The following PHACTR3 variants were observed in gnomAD, a reference collection of about 807,000 sequenced individuals.
PHACTR3 encodes phosphatase and actin regulator 3, also known as protein phosphatase 1, regulatory subunit 123.
In PHACTR3, 16 loss-of-function variants were observed where a neutral mutation model predicts 66.8. That is an observed-to-expected ratio of 0.24 (90% confidence interval 0.16 to 0.36). The LOEUF (loss-of-function observed/expected upper bound fraction) is 0.36. Ranked by LOEUF, PHACTR3 falls within the 10% of genes least tolerant of loss-of-function variation. PHACTR3 has a pLI of 1.00. For synonymous variants in PHACTR3, 323 were observed against 292.1 expected, an observed-to-expected ratio of 1.11 and a Z score of -1.08; for missense variants, 647 against 719.9, an observed-to-expected ratio of 0.90 and a Z score of 1.16.
At chr20:59,771,322 T>C (rs1420032495) in intron 5 of PHACTR3, among the ~76,000 whole-genome samples, 1 of 152,026 alleles carries the variant, frequency 6.6e-6, no homozygotes, top group Non-Finnish European at 1.5e-5. Flanking sequence ...AGTGGGGCAC[T>C]GTCCTGAGCA....
At chr20:59,805,449 G>A (rs6100600) in intron 7 of PHACTR3, among the ~76,000 whole-genome samples, 38 of 152,146 alleles carry the variant, frequency 2.5e-4, no homozygotes, top group African/African-American at 8.9e-4. Flanking sequence ...CAGTTGGTTG[G>A]GGGGAATTAA....
intron 1 of PHACTR3, among the ~76,000 whole-genome samples, chr20:59,727,428 C>T (rs781593939): frequency 3.9e-5 from 6 of 152,214 alleles, no homozygotes; most frequent in South Asian, 2.1e-4. Context: ...CTGTAGTCAG[C>T]GCCACCATGC....
At chr20:59,666,885 A>T (rs1185182068) in intron 1 of PHACTR3, among the ~76,000 whole-genome samples, 1 of 152,234 alleles carries the variant, frequency 6.6e-6, no homozygotes, top group Non-Finnish European at 1.5e-5. Flanking sequence ...TCTGGTCCTT[A>T]CACGGTGTAA....
At chr20:59,630,336 C>CCA (rs2034618301) in intron 1 of PHACTR3, among the ~76,000 whole-genome samples, 1 of 152,038 alleles carries the variant, frequency 6.6e-6, no homozygotes, top group Admixed American at 6.5e-5. Flanking sequence ...GTGCCCACCA[C>CCA]CACACCTGGC....
intron 1 of PHACTR3, among the ~76,000 whole-genome samples, chr20:59,590,295 C>T (rs1271197859): frequency 2.0e-5 from 3 of 152,196 alleles, no homozygotes; most frequent in Non-Finnish European, 1.5e-5. Context: ...CTTTGAGGGA[C>T]ATTTAGGTTG....
chr20:59,621,607 G>A (rs1378029357), intron 1 of PHACTR3, among the ~76,000 whole-genome samples: 1 of 152,200 alleles, frequency 6.6e-6, no homozygotes, highest in Non-Finnish European at 1.5e-5. Flanking sequence ...TTCCCACAGT[G>A]GCCTTTCCCA....
At chr20:59,694,580 G>T (rs2037228193) in intron 1 of PHACTR3, among the ~76,000 whole-genome samples, 1 of 152,044 alleles carries the variant, frequency 6.6e-6, no homozygotes, top group Non-Finnish European at 1.5e-5. Context: ...GAGGTGAAGA[G>T]ATATAAGGAA....
At chr20:59,608,044 G>A (rs761521802) in intron 1 of PHACTR3, among the ~76,000 whole-genome samples, 35 of 152,220 alleles carry the variant, frequency 2.3e-4, no homozygotes, top group African/African-American at 7.7e-4. Flanking sequence ...GAAAATGTAC[G>A]AATTCACACT....
intron 7 of PHACTR3, among the ~76,000 whole-genome samples, chr20:59,789,051 G>A (rs550876721): frequency 2.0e-5 from 3 of 152,206 alleles, no homozygotes; most frequent in Non-Finnish European, 2.9e-5. Context: ...AAAATCAAAC[G>A]AGAGACTGGA....
intron 1 of PHACTR3, among the ~76,000 whole-genome samples, chr20:59,683,409 C>T (rs930521453): frequency 5.9e-5 from 9 of 152,004 alleles, no homozygotes; most frequent in African/African-American, 1.7e-4. Flanking sequence ...TGTGAGCTAA[C>T]GCGCTCTCTC....
Position 59,606,808 on chromosome 20 carries a change from G to A in PHACTR3, c.118+1676G>A, listed in dbSNP as rs763461694. Among the ~76,000 whole-genome samples the A allele has an allele frequency of 5.3e-5, 8 of 152,178 alleles. 1 individual carries two copies. The highest frequency in any genetic ancestry group is 1.0e-4 in the Non-Finnish European group (7 of 68,032). The stretch of plus-strand genomic sequence containing the variant: ...GAGGAGGAAGGGCTGGGATGCCTGT[G>A]ATTAAGTTATGCGTGGGAGGGCACA... On this transcript the variant is annotated intron_variant, in intron 1 of 12. Coordinates refer to ENST00000371015, the MANE Select transcript of PHACTR3 (RefSeq NM_080672.5).
In PHACTR3 at chr20:59,821,779, A is replaced by G. The variant is rs556888875; in HGVS notation, c.1329-14726A>G. On this transcript the variant is annotated intron_variant, in intron 8 of 12. Transcript: ENST00000371015. ...TGGAGCAGCCTGGTTTGAGGAGTGC[A>G]TGTGGATCCCTATGGGCTTGGAGAG... Among the ~76,000 whole-genome samples the G allele has an allele frequency of 1.7e-4, 26 of 152,248 alleles. 1 individual carries two copies. The highest frequency in any genetic ancestry group is 1.6e-3 in the Admixed American group (25 of 15,298).
At chr20:59,675,035 T>TC (rs1197368924) in intron 1 of PHACTR3, among the ~76,000 whole-genome samples, 1 of 96,126 alleles carries the variant, frequency 1.0e-5, no homozygotes, top group African/African-American at 4.4e-5. Flanking sequence ...TCCCTGTTCC[T>TC]CCCCCTTCTC....
chr20:59,632,755 C>T (rs1231367842), intron 1 of PHACTR3, among the ~76,000 whole-genome samples: 1 of 152,200 alleles, frequency 6.6e-6, no homozygotes, highest in Non-Finnish European at 1.5e-5. Context: ...TCACAGGGCT[C>T]ATGAAAGTGC....
intron 4 of PHACTR3, among the ~76,000 whole-genome samples, chr20:59,757,970 A>C (rs78544811): frequency 6.6e-6 from 1 of 152,058 alleles, no homozygotes; most frequent in Non-Finnish European, 1.5e-5. Flanking sequence ...ACCCTGCTTC[A>C]AAAAAAATTC....
intron 1 of PHACTR3, among the ~76,000 whole-genome samples, chr20:59,682,404 C>A (rs1311004134): frequency 6.6e-6 from 1 of 152,208 alleles, no homozygotes; most frequent in African/African-American, 2.4e-5. Flanking sequence ...GAACCAAAGT[C>A]TGCGGGGTCC....
chr20:59,637,188 G>A (rs1600976585), intron 1 of PHACTR3, among the ~76,000 whole-genome samples: 1 of 152,264 alleles, frequency 6.6e-6, no homozygotes, highest in African/African-American at 2.4e-5. Flanking sequence ...TATGGGGTCT[G>A]TTCTGTGTTC....
At chr20:59,685,916 T>C (rs1237680570) in intron 1 of PHACTR3, among the ~76,000 whole-genome samples, 1 of 152,170 alleles carries the variant, frequency 6.6e-6, no homozygotes, top group Non-Finnish European at 1.5e-5. Context: ...CTGCACTGCA[T>C]CAACACTGCC....
chr20:59,844,657 T>C (rs1358730930), intron 11 of PHACTR3: 2 of 152,084 alleles, frequency 1.3e-5, no homozygotes, highest in African/African-American at 4.8e-5. Flanking sequence ...GACAGTAGAA[T>C]GATAGATACC....
Sources: gnomAD v4.1 joint callset for allele counts (sites outside exome capture counted in the v4.1 genomes callset) on GRCh38, gnomAD v4.1.1 for gene constraint, MANE v1.5 for transcripts, NCBI Gene and HGNC (gene_info 2026-07-23, HGNC 2026-07-21) for gene names.